FOCAD: variants seen among roughly 807,000 people sequenced by gnomAD.
The protein encoded by FOCAD is KIAA1797.
Under a neutral mutation model 225.6 loss-of-function variants are expected in FOCAD, and 198 were observed. That is an observed-to-expected ratio of 0.88 (90% CI 0.78 to 0.99). The LOEUF is 0.99. FOCAD is among the 50% of genes least tolerant of loss of function. The pLI is 0.00. For synonymous variants in FOCAD, 897 were observed against 755.0 expected (o/e 1.19, Z -3.08); for missense variants, 2,713 against 2,123.6 (o/e 1.28, Z -5.46).
chr9:20,994,550 G>C (rs1841917399), intron 43 of FOCAD, among the ~76,000 whole-genome samples: 1 of 152,192 alleles, frequency 6.6e-6, no homozygotes, highest in African/African-American at 2.4e-5. Flanking sequence ...GAATTCATTG[G>C]TTGTAATCTG....
intron 35 of FOCAD, among the ~76,000 whole-genome samples, chr9:20,953,368 A>G (rs1316679098): frequency 6.6e-6 from 1 of 152,174 alleles, no homozygotes; most frequent in Non-Finnish European, 1.5e-5. Context: ...TTTCCTATCC[A>G]TTTCAAGTGA....
chr9:20,866,653 G>C (rs1032943830), intron 17 of FOCAD, among the ~76,000 whole-genome samples: 1 of 151,774 alleles, frequency 6.6e-6, no homozygotes, highest in African/African-American at 2.4e-5. Flanking sequence ...TTTTCCAGTT[G>C]TTCTTACTTC....
chr9:20,985,471 T>C (rs1196317764), intron 39 of FOCAD, among the ~76,000 whole-genome samples: 1 of 152,224 alleles, frequency 6.6e-6, no homozygotes, highest in Non-Finnish European at 1.5e-5. Context: ...ACCAGGTATT[T>C]TTCTTGAAGT....
chr9:20,675,910 C>G (rs773794457), intron 2 of FOCAD, among the ~76,000 whole-genome samples: 14 of 152,182 alleles, frequency 9.2e-5, no homozygotes, highest in African/African-American at 3.4e-4. Context: ...AAGGAGTCAA[C>G]GCTGAGTTTA....
At chr9:20,878,615 A>C (rs987276366) in intron 19 of FOCAD, among the ~76,000 whole-genome samples, 1 of 152,212 alleles carries the variant, frequency 6.6e-6, no homozygotes, top group African/African-American at 2.4e-5. Flanking sequence ...CTTCTCCAAT[A>C]CCAAATCTAT....
At chr9:20,709,724 A>G (rs779474184) in intron 1 of FOCAD, among the ~76,000 whole-genome samples, 11 of 152,216 alleles carry the variant, frequency 7.2e-5, no homozygotes, top group Non-Finnish European at 1.3e-4. Context: ...ATGTAAAGTC[A>G]TATTGCAGCT....
In FOCAD at chr9:20,951,076, C is replaced by T; in HGVS notation, c.4029C>T (p.Ser1343=). 1 of 1,613,286 alleles carries T rather than the reference C, an allele frequency of 6.2e-7. No homozygotes were observed. The stretch of plus-strand genomic sequence containing the variant: ...GACATCTTCATCTATCTACTCTATC[C>T]TCAAGTCAAAGTAGAGCCTCTGGTA... The part of the protein sequence containing the change: ...LLGHLHLSTL[S]SSQSRASVPT... Residue 1343 remains serine, a synonymous_variant, in exon 34 of 44, where the codon TCC becomes TCT. Coordinates refer to ENST00000338382, the MANE Select transcript of FOCAD (RefSeq NM_001375567.1).
At position 20,951,106 on chromosome 9, in the gene FOCAD, TA is replaced by T; in HGVS notation, c.4051+11del. On this transcript the variant is annotated intron_variant, in intron 34 of 43. Coordinates refer to ENST00000338382, the MANE Select transcript of FOCAD (RefSeq NM_001375567.1). ...GTCAAAGTAGAGCCTCTGGTAAGATTAAAGTCATAAAATACTGGAGCTGGAA... is the reference window on the plus strand; with the variant it reads ...GTCAAAGTAGAGCCTCTGGTAAGATTAAGTCATAAAATACTGGAGCTGGAA... The T allele has an allele frequency of 6.2e-7, 1 of 1,604,334 alleles. No individual in the cohort carries two copies. The highest frequency in any genetic ancestry group is 8.5e-7 in the Non-Finnish European group (1 of 1,171,280).
At chr9:20,674,941 TG>T (rs1204221869) in intron 2 of FOCAD, among the ~76,000 whole-genome samples, 2 of 152,136 alleles carry the variant, frequency 1.3e-5, no homozygotes, top group African/African-American at 2.4e-5. Flanking sequence ...CAGGGTGAGA[TG>T]GGGTAGAGTT....
At chr9:20,815,124 T>TGTG (rs1491580501) in intron 11 of FOCAD, among the ~76,000 whole-genome samples, 4 of 28,826 alleles carry the variant, frequency 1.4e-4, no homozygotes, top group Non-Finnish European at 2.1e-4. Context: ...CTTCTCTTTG[T>TGTG]TTTTTTTTTT....
intron 24 of FOCAD, among the ~76,000 whole-genome samples, chr9:20,920,565 A>G: frequency 2.2e-5 from 1 of 46,464 alleles, no homozygotes; most frequent in African/African-American, 8.7e-5. Flanking sequence ...AACCAACCCA[A>G]ATGTCCAACA....
chr9:20,712,659 C>T (rs1049796074), intron 1 of FOCAD, among the ~76,000 whole-genome samples: 19 of 146,392 alleles, frequency 1.3e-4, no homozygotes, highest in Admixed American at 8.1e-4. Context: ...GACTCTGTCT[C>T]ACAAAAAAGA....
intron 5 of FOCAD, among the ~76,000 whole-genome samples, chr9:20,743,519 C>G (rs1338051658): frequency 5.3e-5 from 8 of 151,746 alleles, no homozygotes; most frequent in Non-Finnish European, 1.2e-4. Flanking sequence ...ATATGAGAAC[C>G]AAGAATGTTA....
chr9:20,730,134 T>A (rs531385280), intron 4 of FOCAD, among the ~76,000 whole-genome samples: 2 of 152,254 alleles, frequency 1.3e-5, no homozygotes, highest in South Asian at 4.2e-4. Context: ...TGGGGGAGAC[T>A]TTTTCTTAGG....
At chr9:20,692,420 G>A (rs1265974037) in intron 1 of FOCAD, among the ~76,000 whole-genome samples, 2 of 152,080 alleles carry the variant, frequency 1.3e-5, no homozygotes, top group East Asian at 3.9e-4. Context: ...CCTAGTCTAA[G>A]CCCCCGTTGT....
At chr9:20,722,785 A>C (rs1173061235) in intron 4 of FOCAD, among the ~76,000 whole-genome samples, 1 of 152,198 alleles carries the variant, frequency 6.6e-6, no homozygotes, top group East Asian at 1.9e-4. Flanking sequence ...GATCTTGTGC[A>C]AGCCACCTAG....
At chr9:20,926,099 C>A (rs890616180) in intron 25 of FOCAD, among the ~76,000 whole-genome samples, 36 of 151,950 alleles carry the variant, frequency 2.4e-4, no homozygotes, top group Admixed American at 2.0e-3. Context: ...CATCTTATTT[C>A]TTTTGGGGCA....
intron 2 of FOCAD, among the ~76,000 whole-genome samples, chr9:20,672,659 C>T (rs969773405): frequency 2.0e-5 from 3 of 152,172 alleles, no homozygotes; most frequent in Non-Finnish European, 4.4e-5. Flanking sequence ...CCACATTGGC[C>T]GGGCTGGTCT....
chr9:20,675,120 C>A (rs1222068134), intron 2 of FOCAD, among the ~76,000 whole-genome samples: 1 of 152,198 alleles, frequency 6.6e-6, no homozygotes, highest in Admixed American at 6.5e-5. Context: ...CTCTAAGTCT[C>A]ATAGGCCAGC....
Sources: gnomAD v4.1 joint callset for allele counts (sites outside exome capture counted in the v4.1 genomes callset) on GRCh38, gnomAD v4.1.1 for gene constraint, MANE v1.5 for transcripts, NCBI Gene and HGNC (gene_info 2026-07-23, HGNC 2026-07-21) for gene names.